STAT1: variants seen among roughly 807,000 people sequenced by gnomAD.
The protein encoded by STAT1 is signal transducer and activator of transcription 1-alpha/beta.
STAT1 carries 24 observed loss-of-function variants against 111.7 expected under a neutral mutation model. That is an observed-to-expected ratio of 0.21 (90% CI 0.16 to 0.30). STAT1 has a LOEUF of 0.30. Ranked by LOEUF, STAT1 falls within the 10% of genes least tolerant of loss-of-function variation. The pLI, the probability that STAT1 is intolerant of heterozygous loss-of-function variation, is 1.00. For missense variants in STAT1, 351 were observed against 911.9 expected (o/e 0.38, Z 7.92); for synonymous variants, 332 against 326.5 (o/e 1.02, Z -0.18).
In STAT1 at chr2:191,012,951, C is replaced by T. The variant is rs1438181476; in HGVS notation, c.-2+574G>A. Among the ~76,000 whole-genome samples, 1 of 152,180 alleles carries T rather than the reference C, an allele frequency of 6.6e-6. No individual in the cohort carries two copies. The highest frequency in any genetic ancestry group is 2.4e-5 in the African/African-American group (1 of 41,424). On this transcript the variant is annotated intron_variant, in intron 2 of 24. Transcript: ENST00000361099. The surrounding 1 kb of genome is among the most constrained non-coding windows in gnomAD (Gnocchi z 4.0). ...TTGCGTCTCACTGAATTCTGTACCT[C>T]TATTAGAGCATCGGTTCCAGTTTTC...
Position 191,009,953 on chromosome 2 carries a change from C to T in STAT1, c.51G>A (p.Gln17=), listed in dbSNP as rs1574673866. ...LQQLDSKFLE[Q]VHQLYDDSFP... ...AACTGTCATCATAAAGCTGGTGAACCTGCTCCAGGAATTTTGAGTCAAGCT... is the reference window on the plus strand; with the variant it reads ...AACTGTCATCATAAAGCTGGTGAACTTGCTCCAGGAATTTTGAGTCAAGCT... The change falls in exon 3 of 25, where the codon CAG becomes CAA. Residue 17 remains glutamine, a synonymous_variant. Coordinates refer to ENST00000361099, the MANE Select transcript of STAT1 (RefSeq NM_007315.4). 9 of 1,614,036 alleles carry T rather than the reference C, an allele frequency of 5.6e-6. No homozygotes were observed. The highest frequency in any genetic ancestry group is 4.0e-5 in the African/African-American group (3 of 75,024).
chr2:190,995,294 A>G lies in STAT1; in HGVS notation c.786-75T>C, dbSNP rs547219936. 5 of 1,394,524 alleles carry G rather than the reference A, an allele frequency of 3.6e-6. No individual in the cohort carries two copies. The East Asian group carries it at 6.9e-5, about 19-fold the overall frequency. 86.4% of individuals were successfully genotyped at this position (1,394,524 alleles called of 1,614,324 possible). The stretch of plus-strand genomic sequence containing the variant: ...AGCCTGGATTAAAGGGAATCATGGT[A>G]TATTAGTCCATTCTCATGCTGCTAA... On this transcript the variant is annotated intron_variant, in intron 9 of 24. Coordinates refer to ENST00000361099, the MANE Select transcript of STAT1 (RefSeq NM_007315.4). This position sits in a 1 kb window ranked among gnomAD's most constrained non-coding sequence, Gnocchi z 4.2.
rs1435484336 is a variant in STAT1, at chr2:190,986,756, G to A, written c.1221+98C>T. 8.5e-7 allele frequency: 1 copy of A among 1,174,646 alleles called. No homozygotes were observed. Among genetic ancestry groups the A allele is most frequent in the Non-Finnish European group, 1.3e-6 (1 of 781,850 alleles). 72.8% of individuals were successfully genotyped at this position (1,174,646 alleles called of 1,614,324 possible). A position where few individuals can be genotyped will look rare whatever the true frequency, so the allele number is the denominator to read the frequency against. On this transcript the variant is annotated intron_variant, in intron 14 of 24. Transcript: ENST00000361099. This position sits in a 1 kb window ranked among gnomAD's most constrained non-coding sequence, Gnocchi z 5.0. Reference sequence around the variant, plus strand: ...ACAAAGTCTACAAACCCCAGCAGGGGGGCGTCCTCCACATGGCAATGTGCC... The same window carrying A: ...ACAAAGTCTACAAACCCCAGCAGGGAGGCGTCCTCCACATGGCAATGTGCC...
intron 10 of STAT1, among the ~76,000 whole-genome samples, chr2:190,991,653 G>C (rs895835376): frequency 7.2e-5 from 11 of 151,850 alleles, no homozygotes; most frequent in African/African-American, 2.7e-4. Context: ...GAGCCCAGGA[G>C]TTCAAGACCA....
chr2:190,972,816 GGTGTGTGT>G (rs34975356), intron 24 of STAT1, among the ~76,000 whole-genome samples: 38 of 136,416 alleles, frequency 2.8e-4, no homozygotes, highest in South Asian at 1.2e-3. Context: ...GTGTATAGAG[GGTGTGTGT>G]GTGTGTGTGT....
In STAT1 at chr2:191,012,576, A is replaced by G. The variant is rs1286771624; in HGVS notation, c.-2+949T>C. 6.6e-6 allele frequency among the ~76,000 whole-genome samples: 1 copy of G among 152,094 alleles called. No individual in the cohort carries two copies. The highest frequency in any genetic ancestry group is 1.5e-5 in the Non-Finnish European group (1 of 67,996). ...GGGTTGATTCCTTCCACTCCATCCCAAGACCTGCTCCTTCCTGTCTCCAAC... is the reference window on the plus strand; with the variant it reads ...GGGTTGATTCCTTCCACTCCATCCCGAGACCTGCTCCTTCCTGTCTCCAAC... On this transcript the variant is annotated intron_variant, in intron 2 of 24. Transcript: ENST00000361099. The surrounding 1 kb of genome is among the most constrained non-coding windows in gnomAD (Gnocchi z 4.0).
chr2:190,993,673 C>T lies in STAT1; in HGVS notation c.944+1388G>A. The T allele has an allele frequency of 2.1e-6, 1 of 477,020 alleles. No homozygotes were observed. The highest frequency in any genetic ancestry group is 4.1e-6 in the Non-Finnish European group (1 of 246,028). 29.5% of individuals were successfully genotyped at this position (477,020 alleles called of 1,614,324 possible). A position where few individuals can be genotyped will look rare whatever the true frequency, so the allele number is the denominator to read the frequency against. ...AAGGAAAGGAATGAGATAGGCTGTT[C>T]TGGGAGAGTAAATGTCTTCCCCGAC... is the stretch of plus-strand genomic sequence containing the variant. On this transcript the variant is annotated intron_variant, in intron 10 of 24. Coordinates refer to ENST00000361099, the MANE Select transcript of STAT1 (RefSeq NM_007315.4). The surrounding 1 kb of genome is among the most constrained non-coding windows in gnomAD (Gnocchi z 4.1).
chr2:190,976,006 C>G lies in STAT1; in HGVS notation c.2060-119G>C. 2.3e-6 allele frequency: 2 copies of G among 878,608 alleles called. No homozygotes were observed. The highest frequency in any genetic ancestry group is 1.7e-5 in the African/African-American group (1 of 60,222). 54.4% of individuals were successfully genotyped at this position (878,608 alleles called of 1,614,324 possible). Reference sequence around the variant, plus strand: ...TTCTAGACAGCTTAGCCTCCTAAAACTTTAAGGAGCTATAACCTCCCTGCC... The same window carrying G: ...TTCTAGACAGCTTAGCCTCCTAAAAGTTTAAGGAGCTATAACCTCCCTGCC... On this transcript the variant is annotated intron_variant, in intron 22 of 24. Coordinates refer to ENST00000361099, the MANE Select transcript of STAT1 (RefSeq NM_007315.4). This position sits in a 1 kb window ranked among gnomAD's most constrained non-coding sequence, Gnocchi z 6.0.
Position 190,999,485 on chromosome 2 carries a change from A to G in STAT1, c.541+141T>C, listed in dbSNP as rs1232571338. 1.4e-6 allele frequency: 1 copy of G among 703,252 alleles called. No homozygotes were observed. Among genetic ancestry groups the G allele is most frequent in the Non-Finnish European group, 2.6e-6 (1 of 386,596 alleles). 43.6% of individuals were successfully genotyped at this position (703,252 alleles called of 1,614,324 possible). A position where few individuals can be genotyped will look rare whatever the true frequency, so the allele number is the denominator to read the frequency against. Reference sequence around the variant, plus strand: ...GAAATGTCAATAATATTGGATGTTGAGAAGCCCTGGCCTGGGTTATCAAGG... The same window carrying G: ...GAAATGTCAATAATATTGGATGTTGGGAAGCCCTGGCCTGGGTTATCAAGG... On this transcript the variant is annotated intron_variant, in intron 7 of 24. Coordinates refer to ENST00000361099, the MANE Select transcript of STAT1 (RefSeq NM_007315.4). This position sits in a 1 kb window ranked among gnomAD's most constrained non-coding sequence, Gnocchi z 4.1.
chr2:190,997,760 G>C lies in STAT1; in HGVS notation c.785+96C>G. The C allele has an allele frequency of 6.4e-7, 1 of 1,560,460 alleles. No homozygotes were observed. The highest frequency in any genetic ancestry group is 8.8e-7 in the Non-Finnish European group (1 of 1,139,882). ...ATGTCAAACTCTATACTAATGTTTT[G>C]ACAGGGTCCATTCAACTAACACAGC... On this transcript the variant is annotated intron_variant, in intron 9 of 24. Coordinates refer to ENST00000361099, the MANE Select transcript of STAT1 (RefSeq NM_007315.4). This position sits in a 1 kb window ranked among gnomAD's most constrained non-coding sequence, Gnocchi z 7.3.
chr2:190,992,578 G>A, intron 10 of STAT1: 1 of 546,646 alleles, frequency 1.8e-6, no homozygotes. Flanking sequence ...AGGCAATTTT[G>A]TTTCTTCACT....
rs753923188 is a variant in STAT1, at chr2:190,997,822, T to C, written c.785+34A>G. 1 of 1,613,792 alleles carries C rather than the reference T, an allele frequency of 6.2e-7. No homozygotes were observed. Among genetic ancestry groups the C allele is most frequent in the Non-Finnish European group, 8.5e-7 (1 of 1,180,030 alleles). ...TTTATGTGTTTATGTGGTTAGCCAG[T>C]CAGCTGCCAGTTTTCTGCTTTGGAG... On this transcript the variant is annotated intron_variant, in intron 9 of 24. Coordinates refer to ENST00000361099, the MANE Select transcript of STAT1 (RefSeq NM_007315.4). This position sits in a 1 kb window ranked among gnomAD's most constrained non-coding sequence, Gnocchi z 7.3.
intron 5 of STAT1, among the ~76,000 whole-genome samples, chr2:191,002,139 TTTTTTC>T (rs1316236404): frequency 1.3e-5 from 2 of 152,110 alleles, no homozygotes; most frequent in Non-Finnish European, 2.9e-5. Flanking sequence ...AAGGTTTCCT[TTTTTTC>T]TTTTTAACTT....
In STAT1 at chr2:190,995,773, G is replaced by A. The variant is rs192994517; in HGVS notation, c.786-554C>T. ...CAGTAGAAGCTTTGTTATTTGAGGAGTACAACTAACATGCACTGAATGATT... is the reference window on the plus strand; with the variant it reads ...CAGTAGAAGCTTTGTTATTTGAGGAATACAACTAACATGCACTGAATGATT... On this transcript the variant is annotated intron_variant, in intron 9 of 24. Transcript: ENST00000361099. The surrounding 1 kb of genome is among the most constrained non-coding windows in gnomAD (Gnocchi z 4.2). Among the ~76,000 whole-genome samples the A allele has an allele frequency of 7.1e-4, 108 of 152,316 alleles. No homozygotes were observed. The highest frequency in any genetic ancestry group is 2.6e-3 in the African/African-American group (107 of 41,568).
rs1386744780 is a variant in STAT1, at chr2:190,971,622, T to C, written c.2239-905A>G. ...CAATAGTGTGTGGTACATAGTGGGC[T>C]CTTAGGAAAATTATTTTGGATTGAA... On this transcript the variant is annotated intron_variant, in intron 24 of 24. Transcript: ENST00000361099. The surrounding 1 kb of genome is among the most constrained non-coding windows in gnomAD (Gnocchi z 4.1). 6.6e-6 allele frequency among the ~76,000 whole-genome samples: 1 copy of C among 152,198 alleles called. No individual in the cohort carries two copies. Among genetic ancestry groups the C allele is most frequent in the African/African-American group, 2.4e-5 (1 of 41,440 alleles).
chr2:190,992,105 AC>A (rs766505667), intron 10 of STAT1, among the ~76,000 whole-genome samples: 260 of 152,330 alleles, frequency 1.7e-3, no homozygotes, highest in Middle Eastern at 3.4e-3. Context: ...GCAACAAATT[AC>A]AATATTCTGC....
In STAT1 at chr2:190,999,572, T is replaced by C; in HGVS notation, c.541+54A>G. 2 of 1,204,494 alleles carry C rather than the reference T, an allele frequency of 1.7e-6. No individual in the cohort carries two copies. The highest frequency in any genetic ancestry group is 1.7e-5 in the Admixed American group (1 of 59,290). 74.6% of individuals were successfully genotyped at this position (1,204,494 alleles called of 1,614,324 possible). A position where few individuals can be genotyped will look rare whatever the true frequency, so the allele number is the denominator to read the frequency against. ...AGGAGTAATCATCTTCGTTATCTAG[T>C]GTGAACAGAAAAAATTGCAGCCAAC... On this transcript the variant is annotated intron_variant, in intron 7 of 24. Coordinates refer to ENST00000361099, the MANE Select transcript of STAT1 (RefSeq NM_007315.4). This position sits in a 1 kb window ranked among gnomAD's most constrained non-coding sequence, Gnocchi z 4.1.
At position 190,974,813 on chromosome 2, in the gene STAT1, C is replaced by A. The variant is rs115758905; in HGVS notation, c.2238+17G>T. On this transcript the variant is annotated intron_variant, in intron 24 of 24. Coordinates refer to ENST00000361099, the MANE Select transcript of STAT1 (RefSeq NM_007315.4). This position sits in a 1 kb window ranked among gnomAD's most constrained non-coding sequence, Gnocchi z 4.8. ...ACACTTATTGAGAGCTACACACAGG[C>A]CAGCCGTGGTACTCACCATACTGTC... The A allele has an allele frequency of 2.9e-3, 4,720 of 1,605,804 alleles. 70 individuals are homozygous for A. Among genetic ancestry groups the A allele is most frequent in the South Asian group, 0.027 (2,432 of 90,900 alleles).
intron 3 of STAT1, among the ~76,000 whole-genome samples, chr2:191,009,316 T>C (rs1373240417): frequency 2.6e-5 from 4 of 152,210 alleles, no homozygotes; most frequent in Non-Finnish European, 4.4e-5. Context: ...AATTCTAAAC[T>C]CTAAGAGATT....
Sources: allele counts gnomAD v4.1 joint callset (sites outside exome capture counted in the v4.1 genomes callset), GRCh38; gene constraint gnomAD v4.1.1; non-coding constraint Gnocchi (gnomAD v3.1); transcripts MANE v1.5; gene names NCBI Gene and HGNC (gene_info 2026-07-23, HGNC 2026-07-21).